The following MTMR7 variants were observed in gnomAD, a reference collection of about 807,000 sequenced individuals.
MTMR7 encodes phosphatidylinositol-3-phosphate phosphatase MTMR7.
In MTMR7, 76 loss-of-function variants were observed where a neutral mutation model predicts 81.2. The observed-to-expected ratio is 0.94, with a 90% CI of 0.78 to 1.13. The LOEUF (loss-of-function observed/expected upper bound fraction) is 1.13, where lower values mean the gene tolerates loss of function less well. Among genes scored for constraint, MTMR7 ranks in the 50% most tolerant of loss-of-function variants. MTMR7 has a pLI of 0.00. For synonymous variants in MTMR7, 372 were observed against 289.8 expected, an observed-to-expected ratio of 1.28 and a Z score of -2.88; for missense variants, 1,044 against 820.0, an observed-to-expected ratio of 1.27 and a Z score of -3.34.
Position 17,328,330 on chromosome 8 carries a change from G to C in MTMR7, c.865+2820C>G, listed in dbSNP as rs1202829933. On this transcript the variant is annotated intron_variant, in intron 7 of 13. Transcript: ENST00000180173. ...TTCACCACTTCCTCCCCAACACCCA[G>C]GATGCCTAAGAGGTAAAAGCTCCAC... 3.3e-5 allele frequency among the ~76,000 whole-genome samples: 5 copies of C among 152,284 alleles called. No homozygotes were observed. The South Asian group carries it at 1.0e-3, about 32-fold the overall frequency.
intron 4 of MTMR7, among the ~76,000 whole-genome samples, chr8:17,355,787 A>C (rs1819872976): frequency 6.6e-6 from 1 of 152,216 alleles, no homozygotes; most frequent in Non-Finnish European, 1.5e-5. Context: ...AAATGTGAGT[A>C]GATAATTCAC....
chr8:17,387,614 C>A (rs1820985203), intron 1 of MTMR7, among the ~76,000 whole-genome samples: 1 of 152,082 alleles, frequency 6.6e-6, no homozygotes, highest in South Asian at 2.1e-4. Flanking sequence ...TATCTATTTC[C>A]CAATTTGACA....
chr8:17,390,470 C>T (rs1265726042), intron 1 of MTMR7, among the ~76,000 whole-genome samples: 1 of 152,118 alleles, frequency 6.6e-6, no homozygotes, highest in South Asian at 2.1e-4. Context: ...TTGGGGATTA[C>T]AATTTGGCAT....
intron 12 of MTMR7, among the ~76,000 whole-genome samples, chr8:17,302,710 C>A (rs1020009478): frequency 3.1e-5 from 2 of 64,388 alleles, no homozygotes; most frequent in South Asian, 9.5e-4. Flanking sequence ...ATAACCCCCC[C>A]CCCCCCGCTT....
At chr8:17,381,603 TG>T (rs1450256210) in intron 1 of MTMR7, among the ~76,000 whole-genome samples, 3 of 152,158 alleles carry the variant, frequency 2.0e-5, no homozygotes, top group African/African-American at 7.2e-5. Context: ...CAGAAAGCAG[TG>T]GCACTGGCTA....
intron 4 of MTMR7, among the ~76,000 whole-genome samples, chr8:17,349,857 C>T (rs1188516373): frequency 6.6e-6 from 1 of 152,126 alleles, no homozygotes; most frequent in East Asian, 1.9e-4. Flanking sequence ...CAGAAATCAG[C>T]AGTTTAGGAC....
chr8:17,306,851 C>G (rs534389839), intron 10 of MTMR7, among the ~76,000 whole-genome samples: 2 of 151,292 alleles, frequency 1.3e-5, no homozygotes, highest in African/African-American at 4.9e-5. Flanking sequence ...AAAGCTGAAA[C>G]TGGATCCCTT....
chr8:17,307,217 T>A (rs1028868334), intron 10 of MTMR7, among the ~76,000 whole-genome samples: 10 of 152,068 alleles, frequency 6.6e-5, no homozygotes, highest in African/African-American at 2.4e-4. Flanking sequence ...CATCAAAAAG[T>A]GGGCAAAGGA....
intron 6 of MTMR7, among the ~76,000 whole-genome samples, chr8:17,337,282 T>C (rs373471255): frequency 3.4e-4 from 51 of 151,424 alleles, no homozygotes; most frequent in African/African-American, 1.2e-3. Flanking sequence ...GGAGAATCAC[T>C]TGAACCCGGG....
chr8:17,328,939 T>C (rs1018146697), intron 7 of MTMR7, among the ~76,000 whole-genome samples: 9 of 152,158 alleles, frequency 5.9e-5, no homozygotes, highest in African/African-American at 1.9e-4. Context: ...ATCATCTCTA[T>C]AGAGGACCTA....
chr8:17,302,109 A>G lies in MTMR7; in HGVS notation c.1620+45T>C, dbSNP rs534722313. On this transcript the variant is annotated intron_variant, in intron 13 of 13. Transcript: ENST00000180173. Reference sequence around the variant, plus strand: ...GGCTTTCATGAAGCCTTGCTCTTCAAGAAATAAGCACAGAAAATAGATTAA... The same window carrying G: ...GGCTTTCATGAAGCCTTGCTCTTCAGGAAATAAGCACAGAAAATAGATTAA... 3 of 1,611,934 alleles carry G rather than the reference A, an allele frequency of 1.9e-6. No individual in the cohort carries two copies. In the East Asian group the frequency reaches 6.7e-5, roughly 36 times the overall value.
In MTMR7 at chr8:17,385,963, G is replaced by A. The variant is rs535254257; in HGVS notation, c.25-12723C>T. Reference sequence around the variant, plus strand: ...ATACAATACAAAGCAAGCTACTTGTGAAAGAACCTTGTGAAAATTAGACAG... The same window carrying A: ...ATACAATACAAAGCAAGCTACTTGTAAAAGAACCTTGTGAAAATTAGACAG... On this transcript the variant is annotated intron_variant, in intron 1 of 13. Transcript: ENST00000180173. Among the ~76,000 whole-genome samples the A allele has an allele frequency of 3.9e-5, 6 of 152,290 alleles. No individual in the cohort carries two copies. The South Asian group carries it at 1.2e-3, about 32-fold the overall frequency.
intron 3 of MTMR7, among the ~76,000 whole-genome samples, chr8:17,367,861 G>A (rs1585096378): frequency 6.9e-6 from 1 of 145,058 alleles, no homozygotes; most frequent in South Asian, 2.2e-4. Context: ...TGATGCTAAG[G>A]TTTGGGGTTT....
At chr8:17,381,162 T>A (rs10096237) in intron 1 of MTMR7, among the ~76,000 whole-genome samples, 65,859 of 152,098 alleles carry the variant, frequency 0.43, 15,418 homozygotes, top group Admixed American at 0.59. Flanking sequence ...CCCAGTTTAA[T>A]GGCTTTTTTG....
chr8:17,370,618 C>T (rs1476843055), intron 3 of MTMR7, among the ~76,000 whole-genome samples: 3 of 142,810 alleles, frequency 2.1e-5, no homozygotes, highest in South Asian at 4.6e-4. Flanking sequence ...GGAGACCAAA[C>T]CTTAAAAGCA....
chr8:17,336,216 C>T (rs887560405), intron 6 of MTMR7, among the ~76,000 whole-genome samples: 1 of 152,108 alleles, frequency 6.6e-6, no homozygotes, highest in Non-Finnish European at 1.5e-5. Context: ...CTCAACTTCC[C>T]TCACCAGCAC....
intron 1 of MTMR7, among the ~76,000 whole-genome samples, chr8:17,408,057 T>G (rs556208511): frequency 6.6e-6 from 1 of 152,306 alleles, no homozygotes; most frequent in East Asian, 1.9e-4. Flanking sequence ...TAATGGACCT[T>G]TGTATGAACC....
intron 7 of MTMR7, among the ~76,000 whole-genome samples, chr8:17,319,709 C>T (rs547926716): frequency 2.4e-4 from 37 of 152,324 alleles, no homozygotes; most frequent in African/African-American, 8.2e-4. Flanking sequence ...CAAACAGAGG[C>T]TAAGTGCTTG....
Position 17,325,339 on chromosome 8 carries a change from G to A in MTMR7, c.865+5811C>T, listed in dbSNP as rs541473933. On this transcript the variant is annotated intron_variant, in intron 7 of 13. Coordinates refer to ENST00000180173, the MANE Select transcript of MTMR7 (RefSeq NM_004686.5). ...TGCCTCCAACCATCCTTTCCACACCGAATGAAGATTTCAATCCATCAGGCC... is the reference window on the plus strand; with the variant it reads ...TGCCTCCAACCATCCTTTCCACACCAAATGAAGATTTCAATCCATCAGGCC... Among the ~76,000 whole-genome samples the A allele has an allele frequency of 8.7e-4, 132 of 152,214 alleles. 2 individuals carry two copies. The highest frequency in any genetic ancestry group is 8.1e-3 in the South Asian group (39 of 4,822).
Sources: gnomAD v4.1 joint callset for allele counts (sites outside exome capture counted in the v4.1 genomes callset) on GRCh38, gnomAD v4.1.1 for gene constraint, MANE v1.5 for transcripts, NCBI Gene and HGNC (gene_info 2026-07-23, HGNC 2026-07-21) for gene names.